TMEM132C: variants seen among roughly 807,000 people sequenced by gnomAD.
The protein encoded by TMEM132C is protein phosphatase 1, regulatory subunit 152.
A neutral mutation model predicts 61.4 loss-of-function variants in TMEM132C; 29 were observed. The ratio of observed to expected loss-of-function variants is 0.47; its 90% confidence interval spans 0.35 to 0.64. The LOEUF is 0.64. Ranked by LOEUF, TMEM132C falls within the 30% of genes least tolerant of loss-of-function variation. The pLI, the probability that TMEM132C is intolerant of heterozygous loss-of-function variation, is 0.00. For synonymous variants in TMEM132C, 656 were observed against 633.1 expected, an observed-to-expected ratio of 1.04 and a Z score of -0.54; for missense variants, 1,408 against 1,476.9, an observed-to-expected ratio of 0.95 and a Z score of 0.76.
intron 8 of TMEM132C, among the ~76,000 whole-genome samples, chr12:128,704,203 C>T (rs1053846542): frequency 6.6e-6 from 1 of 152,160 alleles, no homozygotes; most frequent in Non-Finnish European, 1.5e-5. Flanking sequence ...ATGGATGATC[C>T]TGGAAGACAT....
At chr12:128,466,689 T>C (rs922547587) in intron 2 of TMEM132C, among the ~76,000 whole-genome samples, 2 of 152,184 alleles carry the variant, frequency 1.3e-5, no homozygotes, top group Non-Finnish European at 2.9e-5. Flanking sequence ...CTAATTTTTG[T>C]TTTTTGTTTG....
intron 3 of TMEM132C, among the ~76,000 whole-genome samples, chr12:128,592,772 C>T (rs1052825313): frequency 1.3e-5 from 2 of 152,210 alleles, no homozygotes; most frequent in African/African-American, 4.8e-5. Flanking sequence ...CCCAGATTCC[C>T]TTTTCTTATG....
rs1873122652 is a variant in TMEM132C at position 128,527,385 on chromosome 12, G to T, written c.975-16572G>T. Among the ~76,000 whole-genome samples, 6 of 152,256 alleles carry T rather than the reference G, an allele frequency of 3.9e-5. No individual in the cohort carries two copies. The South Asian group carries it at 1.2e-3, about 32-fold the overall frequency. ...GGAAAGCAACACTAGTGAGAGACCA[G>T]GGCTCCTTGAGGGGTGAGTTAGTAG... On this transcript the variant is annotated intron_variant, in intron 2 of 8. Coordinates refer to ENST00000435159, the MANE Select transcript of TMEM132C (RefSeq NM_001136103.3).
At chr12:128,668,816 C>G (rs554695380) in intron 4 of TMEM132C, among the ~76,000 whole-genome samples, 21 of 152,290 alleles carry the variant, frequency 1.4e-4, no homozygotes, top group Admixed American at 1.4e-3. Flanking sequence ...CCATATCACC[C>G]TGACCTCTGC....
intron 1 of TMEM132C, among the ~76,000 whole-genome samples, chr12:128,319,833 A>T (rs1872273051): frequency 6.6e-6 from 1 of 152,052 alleles, no homozygotes; most frequent in Non-Finnish European, 1.5e-5. Flanking sequence ...CTCAAAAAAA[A>T]AAAAAGGGCC....
rs1873861235 is a variant in TMEM132C, at chr12:128,544,119, C to A, written c.1121+16C>A. On this transcript the variant is annotated intron_variant, in intron 3 of 8. Coordinates refer to ENST00000435159, the MANE Select transcript of TMEM132C (RefSeq NM_001136103.3). ...CACGCAACAGGTAAGCGGTGCCCTC[C>A]CTGCAAGCGTGTGTGGTTCCTGGTC... 1 of 1,502,166 alleles carries A rather than the reference C, an allele frequency of 6.7e-7. No homozygotes were observed. The highest frequency in any genetic ancestry group is 8.9e-7 in the Non-Finnish European group (1 of 1,122,880). 93.1% of individuals were successfully genotyped at this position (1,502,166 alleles called of 1,614,324 possible). A position where few individuals can be genotyped will look rare whatever the true frequency, so the allele number is the denominator to read the frequency against.
intron 3 of TMEM132C, among the ~76,000 whole-genome samples, chr12:128,559,770 G>C (rs937187540): frequency 6.6e-6 from 1 of 152,170 alleles, no homozygotes; most frequent in Non-Finnish European, 1.5e-5. Context: ...GGGATCCACT[G>C]AGTCACTGGT....
In TMEM132C at chr12:128,578,206, C is replaced by G. The variant is rs149655908; in HGVS notation, c.1121+34103C>G. On this transcript the variant is annotated intron_variant, in intron 3 of 8. Coordinates refer to ENST00000435159, the MANE Select transcript of TMEM132C (RefSeq NM_001136103.3). ...GGCTCCCTTCTTTCCTCCAAATGCC[C>G]CAAGAGAGCTTTCATCTTAATCCTC... Among the ~76,000 whole-genome samples the G allele has an allele frequency of 2.5e-4, 38 of 152,318 alleles. 1 individual carries two copies. Among genetic ancestry groups the G allele is most frequent in the African/African-American group, 8.9e-4 (37 of 41,576 alleles).
intron 1 of TMEM132C, among the ~76,000 whole-genome samples, chr12:128,400,504 C>T (rs946223724): frequency 3.3e-5 from 5 of 151,572 alleles, no homozygotes; most frequent in East Asian, 1.9e-4. Context: ...ATTCTGTGGG[C>T]GGGCTGTTCT....
In TMEM132C at chr12:128,671,691, G is replaced by A. The variant is rs749945731; in HGVS notation, c.1449+2131G>A. ...TGCTAGACTGTCCACTGGGCTCAGC[G>A]CCACCATCACACAGCGACGTCCACA... is the stretch of plus-strand genomic sequence containing the variant. On this transcript the variant is annotated intron_variant, in intron 5 of 8. Coordinates refer to ENST00000435159, the MANE Select transcript of TMEM132C (RefSeq NM_001136103.3). Among the ~76,000 whole-genome samples, 8 of 152,140 alleles carry A rather than the reference G, an allele frequency of 5.3e-5. 1 individual carries two copies. Among genetic ancestry groups the A allele is most frequent in the Admixed American group, 2.0e-4 (3 of 15,284 alleles).
At chr12:128,509,514 A>G (rs978708595) in intron 2 of TMEM132C, among the ~76,000 whole-genome samples, 2 of 152,162 alleles carry the variant, frequency 1.3e-5, no homozygotes, top group Non-Finnish European at 2.9e-5. Flanking sequence ...ACAGCTGTTG[A>G]GTAACAAGAA....
rs750661521 is a variant in TMEM132C at position 128,705,701 on chromosome 12, C to T, written c.2733C>T (p.Asn911=). ...LPKAGSGLEE[N]DLVQTPRGLS... ...AGGCCGGGAGTGGGCTGGAGGAAAA[C>T]GACCTGGTGCAGACTCCGCGGGGCC... The change falls in exon 9 of 9, where the codon AAC becomes AAT. Residue 911 remains asparagine (N), a synonymous_variant. Coordinates refer to ENST00000435159, the MANE Select transcript of TMEM132C (RefSeq NM_001136103.3). 5.3e-5 allele frequency: 82 copies of T among 1,551,442 alleles called. No homozygotes were observed. The highest frequency in any genetic ancestry group is 3.0e-4 in the African/African-American group (22 of 73,182).
intron 2 of TMEM132C, among the ~76,000 whole-genome samples, chr12:128,461,969 G>A (rs973772262): frequency 2.0e-5 from 3 of 152,170 alleles, no homozygotes; most frequent in Admixed American, 2.0e-4. Flanking sequence ...AAACACAATC[G>A]GATTGGAGCG....
chr12:128,349,807 G>A (rs1873281322), intron 1 of TMEM132C, among the ~76,000 whole-genome samples: 1 of 152,092 alleles, frequency 6.6e-6, no homozygotes, highest in South Asian at 2.1e-4. Context: ...ATGTCTACTT[G>A]TAGGTAAATT....
At position 128,697,348 on chromosome 12, in the gene TMEM132C, A is replaced by G. The variant is rs61741219; in HGVS notation, c.2054A>G (p.Asn685Ser). The G allele has an allele frequency of 3.0e-4, 470 of 1,551,228 alleles. 1 individual carries two copies. The African/African-American group carries it at 5.7e-3, about 19-fold the overall frequency. Reference sequence around the variant, plus strand: ...GGGCTGTCTGTCGCCCTTTACCCCAACGCAGAAAACAGCAAGGCCGTAACA... The same window carrying G: ...GGGCTGTCTGTCGCCCTTTACCCCAGCGCAGAAAACAGCAAGGCCGTAACA... ...VAGLSVALYP[N>S]AENSKAVTAV... The change falls in exon 8 of 9, where the codon AAC becomes AGC. Residue 685 changes from asparagine (N) to serine (S), a missense_variant. Transcript: ENST00000435159.
chr12:128,478,964 A>G (rs866296990), intron 2 of TMEM132C, among the ~76,000 whole-genome samples: 1 of 152,246 alleles, frequency 6.6e-6, no homozygotes, highest in Non-Finnish European at 1.5e-5. Flanking sequence ...AGGCTGGCCT[A>G]TGACAATGCT....
At chr12:128,656,522 G>A (rs1044793819) in intron 4 of TMEM132C, among the ~76,000 whole-genome samples, 13 of 152,190 alleles carry the variant, frequency 8.5e-5, no homozygotes, top group Non-Finnish European at 1.3e-4. Context: ...GCATATTTCC[G>A]TTTACTTTTG....
At chr12:128,660,933 A>G (rs1291958521) in intron 4 of TMEM132C, among the ~76,000 whole-genome samples, 2 of 152,248 alleles carry the variant, frequency 1.3e-5, no homozygotes, top group Non-Finnish European at 2.9e-5. Context: ...AGACAGATAG[A>G]CAGATAGGAG....
intron 1 of TMEM132C, among the ~76,000 whole-genome samples, chr12:128,275,097 T>C (rs988892035): frequency 6.4e-4 from 97 of 152,030 alleles, no homozygotes; most frequent in African/African-American, 2.2e-3. Flanking sequence ...TAAGACCTAG[T>C]GTATGTAGTG....
Sources: gnomAD v4.1 joint callset for allele counts (sites outside exome capture counted in the v4.1 genomes callset) on GRCh38, gnomAD v4.1.1 for gene constraint, MANE v1.5 for transcripts, NCBI Gene and HGNC (gene_info 2026-07-23, HGNC 2026-07-21) for gene names.